CCDC146: variants seen among roughly 807,000 people sequenced by gnomAD.
CCDC146 encodes coiled-coil domain containing 146.
In CCDC146, 92 loss-of-function variants were observed where a neutral mutation model predicts 119.3. The observed-to-expected ratio is 0.77, with a 90% CI of 0.65 to 0.92. The LOEUF (loss-of-function observed/expected upper bound fraction) is 0.92. Ranked by LOEUF, CCDC146 falls within the 40% of genes least tolerant of loss-of-function variation. The pLI, the probability that CCDC146 is intolerant of heterozygous loss-of-function variation, is 0.00. For synonymous variants in CCDC146, 372 were observed against 371.8 expected, an observed-to-expected ratio of 1.00 and a Z score of -0.01; for missense variants, 1,000 against 1,103.0, an observed-to-expected ratio of 0.91 and a Z score of 1.32.
intron 1 of CCDC146, among the ~76,000 whole-genome samples, chr7:77,154,598 T>A (rs1437221389): frequency 6.6e-6 from 1 of 151,932 alleles, no homozygotes; most frequent in Non-Finnish European, 1.5e-5. Flanking sequence ...GAGTGATGGT[T>A]TCCAGTTTCA....
rs545634180 is a variant in CCDC146, at chr7:77,260,339, A to T, written c.986+103A>T. ...TTTGGTGTTGAGTTAATAAATATTT[A>T]AAAATAATTTTAAATCAACTTTTAC... On this transcript the variant is annotated intron_variant, in intron 8 of 18. Transcript: ENST00000285871. 34 of 782,302 alleles carry T rather than the reference A, an allele frequency of 4.3e-5. No individual in the cohort carries two copies. The East Asian group carries it at 6.8e-4, about 16-fold the overall frequency. The allele number at this position is 782,302 out of a possible 1,614,324, so 48.5% of individuals were successfully genotyped here. A position where few individuals can be genotyped will look rare whatever the true frequency, so the allele number is the denominator to read the frequency against.
At chr7:77,249,512 T>G (rs1793018167) in intron 4 of CCDC146, among the ~76,000 whole-genome samples, 2 of 149,230 alleles carry the variant, frequency 1.3e-5, no homozygotes, top group South Asian at 4.2e-4. Flanking sequence ...AAAAAAGAAT[T>G]CATTAGGTCT....
rs748733190 is a variant in CCDC146, at chr7:77,274,493, A to C, written c.1281A>C (p.Ser427=). Reference sequence around the variant, plus strand: ...TTTTTTTTCAAAAGAAAATTATATCAGAAATGGAGTCTAAGTTAGTAGAAC... The same window carrying C: ...TTTTTTTTCAAAAGAAAATTATATCCGAAATGGAGTCTAAGTTAGTAGAAC... ...KRNLAQQKII[S]EMESKLVEQQ... is the part of the protein sequence containing the mutation. The change falls in exon 11 of 19, where the codon TCA becomes TCC. Residue 427 remains serine, a synonymous_variant. Coordinates refer to ENST00000285871, the MANE Select transcript of CCDC146 (RefSeq NM_020879.3). 3.8e-5 allele frequency: 59 copies of C among 1,555,550 alleles called. No individual in the cohort carries two copies. The highest frequency in any genetic ancestry group is 4.8e-5 in the Non-Finnish European group (55 of 1,155,250).
intron 1 of CCDC146, among the ~76,000 whole-genome samples, chr7:77,137,129 A>G (rs1236698185): frequency 2.6e-5 from 4 of 152,108 alleles, no homozygotes; most frequent in Admixed American, 6.6e-5. Context: ...AAGAATATCT[A>G]TATAAAACCT....
At chr7:77,153,730 T>G (rs1206771570) in intron 1 of CCDC146, among the ~76,000 whole-genome samples, 18 of 149,620 alleles carry the variant, frequency 1.2e-4, no homozygotes, top group African/African-American at 4.0e-4. Flanking sequence ...TTCAGGCATT[T>G]TGGAAAACAG....
At chr7:77,144,019 T>G (rs1341273516) in intron 1 of CCDC146, among the ~76,000 whole-genome samples, 2 of 151,822 alleles carry the variant, frequency 1.3e-5, no homozygotes, top group Non-Finnish European at 2.9e-5. Flanking sequence ...TATGGCCATT[T>G]TCACGATATT....
intron 1 of CCDC146, among the ~76,000 whole-genome samples, chr7:77,163,265 T>C (rs552760721): frequency 7.9e-4 from 121 of 152,270 alleles, no homozygotes; most frequent in African/African-American, 2.7e-3. Flanking sequence ...ATGGCCAACA[T>C]GGTGAAACCC....
intron 1 of CCDC146, among the ~76,000 whole-genome samples, chr7:77,143,526 CT>C (rs1164626937): frequency 6.6e-6 from 1 of 151,968 alleles, no homozygotes; most frequent in East Asian, 1.9e-4. Context: ...CCTAGGTTTT[CT>C]TCTAGGGTTT....
chr7:77,220,260 T>C (rs898479810), intron 2 of CCDC146, among the ~76,000 whole-genome samples: 6 of 152,180 alleles, frequency 3.9e-5, no homozygotes, highest in Non-Finnish European at 7.3e-5. Context: ...TCCTATTCGC[T>C]TTTGCAAGAA....
chr7:77,132,443 G>A (rs1472732918), intron 1 of CCDC146, among the ~76,000 whole-genome samples: 5 of 150,998 alleles, frequency 3.3e-5, no homozygotes, highest in African/African-American at 1.2e-4. Context: ...TGGACCAGGT[G>A]TGGTGGCTTA....
intron 1 of CCDC146, among the ~76,000 whole-genome samples, chr7:77,162,283 C>T (rs1791274208): frequency 6.6e-6 from 1 of 151,876 alleles, no homozygotes; most frequent in Admixed American, 6.6e-5. Context: ...TTTCAGATCT[C>T]ATGTTTAATT....
chr7:77,259,368 C>A, intron 7 of CCDC146: 1 of 252,548 alleles, frequency 4.0e-6, no homozygotes. Context: ...ATAAATTATG[C>A]GAACTGGTTA....
intron 2 of CCDC146, among the ~76,000 whole-genome samples, chr7:77,187,295 G>GA (rs970936776): frequency 6.6e-6 from 1 of 151,974 alleles, no homozygotes; most frequent in Non-Finnish European, 1.5e-5. Flanking sequence ...GTTTACAGGA[G>GA]AAAAAAAACC....
chr7:77,134,337 A>G (rs1285818514), intron 1 of CCDC146, among the ~76,000 whole-genome samples: 2 of 152,116 alleles, frequency 1.3e-5, no homozygotes, highest in African/African-American at 4.8e-5. Context: ...AGAAAATTGA[A>G]TCATATAAAA....
At chr7:77,144,134 C>A (rs1466875810) in intron 1 of CCDC146, among the ~76,000 whole-genome samples, 1 of 151,658 alleles carries the variant, frequency 6.6e-6, no homozygotes, top group East Asian at 1.9e-4. Context: ...TCCTTCACAT[C>A]CCTTGTAAGT....
intron 4 of CCDC146, among the ~76,000 whole-genome samples, chr7:77,245,562 C>T (rs1792933047): frequency 6.6e-6 from 1 of 152,190 alleles, no homozygotes; most frequent in Non-Finnish European, 1.5e-5. Flanking sequence ...AGTGGGAACA[C>T]TCAGGCCGCA....
intron 17 of CCDC146, among the ~76,000 whole-genome samples, chr7:77,292,257 A>G (rs1456034599): frequency 2.0e-5 from 3 of 150,254 alleles, no homozygotes; most frequent in African/African-American, 7.4e-5. Flanking sequence ...TCACACTACT[A>G]TATACCAGTG....
intron 1 of CCDC146, among the ~76,000 whole-genome samples, chr7:77,124,218 C>T (rs10234149): frequency 0.049 from 7,486 of 152,104 alleles, 598 homozygotes; most frequent in African/African-American, 0.17. Context: ...CTTTTTCAAA[C>T]AAAAACCAAA....
intron 1 of CCDC146, among the ~76,000 whole-genome samples, chr7:77,145,730 G>A (rs1791007375): frequency 6.6e-6 from 1 of 152,098 alleles, no homozygotes; most frequent in South Asian, 2.1e-4. Flanking sequence ...GAGCGGTTTT[G>A]AGTGAGTTTC....
Sources: gnomAD v4.1 joint callset for allele counts (sites outside exome capture counted in the v4.1 genomes callset) on GRCh38, gnomAD v4.1.1 for gene constraint, MANE v1.5 for transcripts, NCBI Gene and HGNC (gene_info 2026-07-23, HGNC 2026-07-21) for gene names.